SMOC1: variants seen among roughly 807,000 people sequenced by gnomAD.
SMOC1 encodes SPARC-related modular calcium-binding protein 1.
A neutral mutation model predicts 56.3 loss-of-function variants in SMOC1; 22 were observed. The observed-to-expected ratio is 0.39, with a 90% CI of 0.28 to 0.56. The LOEUF (loss-of-function observed/expected upper bound fraction) is 0.56, where lower values mean the gene tolerates loss of function less well. SMOC1 is among the 20% of genes least tolerant of loss of function. SMOC1 has a pLI of 0.61. For synonymous variants in SMOC1, 193 were observed against 215.0 expected (o/e 0.90, Z 0.89); for missense variants, 509 against 565.4 (o/e 0.90, Z 1.01).
chr14:69,941,426 A>G (rs1487534502), intron 1 of SMOC1, among the ~76,000 whole-genome samples: 1 of 152,062 alleles, frequency 6.6e-6, no homozygotes, highest in Non-Finnish European at 1.5e-5. Context: ...TGGGTTTGCT[A>G]AGCTCATCAT....
At chr14:69,957,568 C>T (rs2139453658) in intron 3 of SMOC1, among the ~76,000 whole-genome samples, 1 of 152,284 alleles carries the variant, frequency 6.6e-6, no homozygotes, top group East Asian at 1.9e-4. Context: ...CCATTTCTAT[C>T]ACCATTGTTG....
At chr14:70,004,842 T>A (rs780268977) in intron 7 of SMOC1, among the ~76,000 whole-genome samples, 2 of 152,248 alleles carry the variant, frequency 1.3e-5, no homozygotes, top group Non-Finnish European at 2.9e-5. Flanking sequence ...GTTCTCTTTC[T>A]CTGCAGAACC....
chr14:69,935,048 C>G (rs1266698326), intron 1 of SMOC1, among the ~76,000 whole-genome samples: 1 of 152,200 alleles, frequency 6.6e-6, no homozygotes, highest in Admixed American at 6.5e-5. Flanking sequence ...TGACTTCTTC[C>G]TCTCTAATTC....
At chr14:70,003,817 A>G (rs1434003264) in intron 7 of SMOC1, among the ~76,000 whole-genome samples, 1 of 152,138 alleles carries the variant, frequency 6.6e-6, no homozygotes, top group Non-Finnish European at 1.5e-5. Flanking sequence ...AGGGTAGGCA[A>G]AGATCTCATG....
chr14:69,960,588 C>G (rs1424472277), intron 3 of SMOC1, among the ~76,000 whole-genome samples: 1 of 151,928 alleles, frequency 6.6e-6, no homozygotes, highest in Admixed American at 6.6e-5. Flanking sequence ...TTTCTTTTTC[C>G]TTTTTTGTTA....
intron 6 of SMOC1, among the ~76,000 whole-genome samples, chr14:69,993,526 G>A (rs977910094): frequency 3.9e-5 from 6 of 152,184 alleles, no homozygotes; most frequent in Admixed American, 3.3e-4. Context: ...CAGAGTGACA[G>A]AAGAATAAAA....
chr14:69,904,434 G>A (rs575326311), intron 1 of SMOC1, among the ~76,000 whole-genome samples: 49 of 152,186 alleles, frequency 3.2e-4, no homozygotes, highest in Non-Finnish European at 6.3e-4. Context: ...CACTGTCTCC[G>A]AAGGGGTGGA....
rs970216902 is a variant in SMOC1 at position 69,927,380 on chromosome 14, T to C, written c.100-24758T>C. ...GGGGATGGAGGATAGGGAGTAGGGC[T>C]AAATAAGATGGTAGGAGGAGCCGGG... On this transcript the variant is annotated intron_variant, in intron 1 of 11. Coordinates refer to ENST00000361956, the MANE Select transcript of SMOC1 (RefSeq NM_001034852.3). Among the ~76,000 whole-genome samples the C allele has an allele frequency of 2.6e-5, 4 of 152,292 alleles. No individual in the cohort carries two copies. In the East Asian group the frequency reaches 5.8e-4, roughly 22 times the overall value.
intron 1 of SMOC1, among the ~76,000 whole-genome samples, chr14:69,949,199 G>A (rs549773543): frequency 6.6e-6 from 1 of 152,332 alleles, no homozygotes; most frequent in Non-Finnish European, 1.5e-5. Context: ...CAATGCAGAA[G>A]TGGGATGGGA....
intron 1 of SMOC1, among the ~76,000 whole-genome samples, chr14:69,925,667 G>C (rs1048654617): frequency 6.6e-6 from 1 of 152,176 alleles, no homozygotes; most frequent in Non-Finnish European, 1.5e-5. Context: ...TGGGCACATA[G>C]TAGGTTCAAA....
intron 1 of SMOC1, among the ~76,000 whole-genome samples, chr14:69,898,814 C>T (rs1594791645): frequency 6.6e-6 from 1 of 152,008 alleles, no homozygotes; most frequent in South Asian, 2.1e-4. Context: ...TCTCTTCAAA[C>T]TGTGTGTTTT....
intron 1 of SMOC1, among the ~76,000 whole-genome samples, chr14:69,885,053 C>T (rs1256488718): frequency 6.6e-6 from 1 of 152,118 alleles, no homozygotes; most frequent in African/African-American, 2.4e-5. Flanking sequence ...TTTGCTCTTC[C>T]AATTCATGAA....
chr14:69,980,546 CA>C (rs1884140853), intron 5 of SMOC1, among the ~76,000 whole-genome samples: 1 of 152,214 alleles, frequency 6.6e-6, no homozygotes, highest in Non-Finnish European at 1.5e-5. Context: ...TAGGACGCCA[CA>C]CCTGAAGCCA....
At chr14:69,958,642 C>A (rs1390291929) in intron 3 of SMOC1, among the ~76,000 whole-genome samples, 1 of 152,124 alleles carries the variant, frequency 6.6e-6, no homozygotes, top group African/African-American at 2.4e-5. Flanking sequence ...TAATATGGGT[C>A]AAAAGTCTTC....
At chr14:70,025,594 T>C (rs1054163728) in intron 11 of SMOC1, among the ~76,000 whole-genome samples, 5 of 152,190 alleles carry the variant, frequency 3.3e-5, no homozygotes, top group Non-Finnish European at 7.3e-5. Flanking sequence ...GGCTTGAGTG[T>C]CCCTTATCTG....
chr14:69,960,758 T>A (rs1241443777), intron 3 of SMOC1, among the ~76,000 whole-genome samples: 1 of 152,198 alleles, frequency 6.6e-6, no homozygotes, highest in Non-Finnish European at 1.5e-5. Context: ...ATTTAGCACA[T>A]AATTGTTGCT....
intron 1 of SMOC1, among the ~76,000 whole-genome samples, chr14:69,945,312 T>C (rs900502603): frequency 6.6e-6 from 1 of 152,172 alleles, no homozygotes; most frequent in Admixed American, 6.5e-5. Flanking sequence ...CTAATGGTGG[T>C]GTTTAAAATA....
chr14:69,919,909 T>TCCC (rs1249164375), intron 1 of SMOC1, among the ~76,000 whole-genome samples: 3 of 98,510 alleles, frequency 3.0e-5, no homozygotes, highest in Admixed American at 1.1e-4. Flanking sequence ...TGAACACAAA[T>TCCC]ACCCCCCCCC....
chr14:70,004,425 C>T (rs1362400578), intron 7 of SMOC1, among the ~76,000 whole-genome samples: 1 of 152,310 alleles, frequency 6.6e-6, no homozygotes, highest in East Asian at 1.9e-4. Flanking sequence ...AAACAGGTTG[C>T]CCTTCATAAT....
Sources: allele counts gnomAD v4.1 joint callset (sites outside exome capture counted in the v4.1 genomes callset), GRCh38; gene constraint gnomAD v4.1.1; transcripts MANE v1.5; gene names NCBI Gene and HGNC (gene_info 2026-07-23, HGNC 2026-07-21).